The following CSMD1 variants were observed in gnomAD, a reference collection of about 807,000 sequenced individuals.
CSMD1 encodes the protein CUB and Sushi multiple domains 1.
CSMD1 carries 213 observed loss-of-function variants against 417.5 expected under a neutral mutation model. That is an observed-to-expected ratio of 0.51 (90% CI 0.46 to 0.57). The LOEUF is 0.57. CSMD1 is among the 20% of genes least tolerant of loss of function. The pLI is 0.00. For missense variants in CSMD1, 6,923 were observed against 4,529.7 expected (o/e 1.53, Z -15.17); for synonymous variants, 2,862 against 1,736.8 (o/e 1.65, Z -16.11).
chr8:3,920,572 T>A (rs1376665274), intron 5 of CSMD1, among the ~76,000 whole-genome samples: 2 of 152,166 alleles, frequency 1.3e-5, no homozygotes, highest in Admixed American at 1.3e-4. Context: ...TAAAGAGAAA[T>A]GCTTTCAGCT....
chr8:2,992,095 A>C (rs577543301), intron 54 of CSMD1, among the ~76,000 whole-genome samples: 1 of 152,360 alleles, frequency 6.6e-6, no homozygotes, highest in Middle Eastern at 3.4e-3. Flanking sequence ...CATTCACATG[A>C]TTTAAAAGAA....
At chr8:4,415,950 C>T (rs574366192) in intron 3 of CSMD1, among the ~76,000 whole-genome samples, 3 of 152,250 alleles carry the variant, frequency 2.0e-5, no homozygotes, top group African/African-American at 7.2e-5. Context: ...TCCCTAGCAG[C>T]CATGGGATCT....
chr8:4,604,614 C>T (rs2130774243), intron 2 of CSMD1, among the ~76,000 whole-genome samples: 1 of 152,150 alleles, frequency 6.6e-6, no homozygotes, highest in Admixed American at 6.5e-5. Flanking sequence ...AAAAGTGAAA[C>T]TAAAGTTAAA....
chr8:4,273,263 T>C (rs1306895091), intron 3 of CSMD1, among the ~76,000 whole-genome samples: 2 of 152,158 alleles, frequency 1.3e-5, no homozygotes, highest in Non-Finnish European at 2.9e-5. Context: ...AGCATATTTG[T>C]ATTAGTTCAC....
intron 2 of CSMD1, among the ~76,000 whole-genome samples, chr8:4,569,687 G>A (rs963479908): frequency 3.9e-4 from 59 of 152,242 alleles, no homozygotes; most frequent in African/African-American, 1.4e-3. Context: ...AAAGTCAATG[G>A]TAGCTTGATG....
chr8:2,974,685 A>G, intron 55 of CSMD1, 61 bp from the exon 56 acceptor site: 3 of 1,299,540 alleles, frequency 2.3e-6, no homozygotes, highest in Non-Finnish European at 3.1e-6. Context: ...TTGTATTGGA[A>G]AATCTCCCAT....
At chr8:3,294,247 C>T (rs1218237675) in intron 25 of CSMD1, among the ~76,000 whole-genome samples, 1 of 152,060 alleles carries the variant, frequency 6.6e-6, no homozygotes, top group Non-Finnish European at 1.5e-5. Context: ...GGGGGTGCCT[C>T]CCAGTTAGGC....
intron 41 of CSMD1, among the ~76,000 whole-genome samples, chr8:3,140,952 G>C (rs890357548): frequency 2.0e-5 from 3 of 152,188 alleles, no homozygotes; most frequent in African/African-American, 7.2e-5. Context: ...TGTGGTGAAA[G>C]TTGAACATGA....
At chr8:4,255,093 C>T (rs1290724085) in intron 3 of CSMD1, among the ~76,000 whole-genome samples, 1 of 152,104 alleles carries the variant, frequency 6.6e-6, no homozygotes, top group Non-Finnish European at 1.5e-5. Flanking sequence ...ATGGTTTAAC[C>T]CCTCGGTCTC....
At chr8:3,302,431 C>T (rs1185011616) in intron 25 of CSMD1, among the ~76,000 whole-genome samples, 1 of 152,182 alleles carries the variant, frequency 6.6e-6, no homozygotes, top group Non-Finnish European at 1.5e-5. Flanking sequence ...TGGCAATGTT[C>T]CCACCTCAGC....
At chr8:4,207,535 A>C (rs1274294372) in intron 3 of CSMD1, among the ~76,000 whole-genome samples, 1 of 152,162 alleles carries the variant, frequency 6.6e-6, no homozygotes, top group African/African-American at 2.4e-5. Context: ...TTTAGTTTCA[A>C]ATGTCCATCA....
chr8:3,509,403 T>A (rs2117386731), intron 10 of CSMD1, among the ~76,000 whole-genome samples: 1 of 152,316 alleles, frequency 6.6e-6, no homozygotes, highest in East Asian at 1.9e-4. Flanking sequence ...AAATACAATT[T>A]TAGACAATTT....
chr8:3,068,078 T>A (rs1374946768), intron 49 of CSMD1, among the ~76,000 whole-genome samples: 3 of 152,162 alleles, frequency 2.0e-5, no homozygotes, highest in African/African-American at 7.2e-5. Context: ...AAAAGGGAAA[T>A]CTCACTGCAT....
At chr8:3,557,851 CTT>C (rs1247728429) in intron 10 of CSMD1, among the ~76,000 whole-genome samples, 1 of 152,162 alleles carries the variant, frequency 6.6e-6, no homozygotes, top group Non-Finnish European at 1.5e-5. Flanking sequence ...CCAAAGGTAA[CTT>C]AAGGGTAATA....
intron 49 of CSMD1, among the ~76,000 whole-genome samples, chr8:3,076,200 G>A (rs1813669050): frequency 2.0e-5 from 3 of 152,222 alleles, no homozygotes; most frequent in African/African-American, 4.8e-5. Context: ...TCCCACCGCA[G>A]GTGTCGGCGG....
chr8:4,087,410 C>G (rs1284180039), intron 3 of CSMD1, among the ~76,000 whole-genome samples: 1 of 152,190 alleles, frequency 6.6e-6, no homozygotes, highest in Non-Finnish European at 1.5e-5. Context: ...GCATTTTGAG[C>G]AGATGCTCTT....
At chr8:4,481,397 G>A (rs535133556) in intron 2 of CSMD1, among the ~76,000 whole-genome samples, 1 of 152,180 alleles carries the variant, frequency 6.6e-6, no homozygotes, top group Non-Finnish European at 1.5e-5. Context: ...TCAATGCTAA[G>A]GAGACCTTGG....
chr8:3,405,271 C>A (rs13267155), intron 15 of CSMD1, among the ~76,000 whole-genome samples: 4 of 152,098 alleles, frequency 2.6e-5, no homozygotes, highest in Admixed American at 1.3e-4. Flanking sequence ...TTATTGCGCA[C>A]TGACTATTCT....
intron 37 of CSMD1, among the ~76,000 whole-genome samples, chr8:3,176,969 G>C (rs940300066): frequency 6.6e-6 from 1 of 151,848 alleles, no homozygotes; most frequent in Admixed American, 6.6e-5. Context: ...ATAGAGATGA[G>C]GTTTTGCCAT....
Sources: gnomAD v4.1 joint callset for allele counts (sites outside exome capture counted in the v4.1 genomes callset) on GRCh38, gnomAD v4.1.1 for gene constraint, MANE v1.5 for transcripts, NCBI Gene and HGNC (gene_info 2026-07-23, HGNC 2026-07-21) for gene names.